DGLUCY: variants seen among roughly 807,000 people sequenced by gnomAD.
DGLUCY encodes the protein D-glutamate cyclase, also known as D-glutamate cyclase, mitochondrial.
In DGLUCY, 58 loss-of-function variants were observed where a neutral mutation model predicts 58.5. That is an observed-to-expected ratio of 0.99 (90% CI 0.80 to 1.23). The LOEUF is 1.23. DGLUCY is among the 50% of genes most tolerant of loss of function. DGLUCY has a pLI of 0.00. For missense variants in DGLUCY, 779 were observed against 784.7 expected, an observed-to-expected ratio of 0.99 and a Z score of 0.09; for synonymous variants, 325 against 314.1, an observed-to-expected ratio of 1.03 and a Z score of -0.37.
At chr14:91,182,878 G>T in intron 8 of DGLUCY, among the ~76,000 whole-genome samples, 1 of 147,322 alleles carries the variant, frequency 6.8e-6, no homozygotes, top group East Asian at 1.9e-4. Flanking sequence ...ATCCCCTAGG[G>T]GACCTGCTGA....
chr14:91,105,877 A>G (rs978374389), upstream of DGLUCY, among the ~76,000 whole-genome samples: 6 of 152,194 alleles, frequency 3.9e-5, no homozygotes, highest in South Asian at 2.1e-4. Flanking sequence ...GATATGGTCT[A>G]TTACTCCTGG....
At chr14:91,220,817 C>T (rs922231900) in intron 13 of DGLUCY, 3 of 397,902 alleles carry the variant, frequency 7.5e-6, no homozygotes, top group Non-Finnish European at 1.5e-5. Context: ...TGCCTTGTCT[C>T]ACATCCCAGC....
intron 1 of DGLUCY, among the ~76,000 whole-genome samples, chr14:91,097,142 A>G (rs1480266543): frequency 6.6e-6 from 1 of 152,222 alleles, no homozygotes; most frequent in Non-Finnish European, 1.5e-5. Flanking sequence ...CACGCCTGTA[A>G]TCCCAGCACT....
chr14:91,085,161 T>G (rs1183280855), intron 1 of DGLUCY, among the ~76,000 whole-genome samples: 1 of 148,894 alleles, frequency 6.7e-6, no homozygotes, highest in Non-Finnish European at 1.5e-5. Context: ...GGTTGAGGCT[T>G]CAGTGAGCCA....
At chr14:91,077,472 G>A (rs1013885556) in intron 1 of DGLUCY, among the ~76,000 whole-genome samples, 1 of 151,582 alleles carries the variant, frequency 6.6e-6, no homozygotes, top group Non-Finnish European at 1.5e-5. Flanking sequence ...AACAAAAAGA[G>A]GCTGGGCACG....
chr14:91,080,743 T>G (rs1309420734), intron 1 of DGLUCY, among the ~76,000 whole-genome samples: 1 of 138,346 alleles, frequency 7.2e-6, no homozygotes, highest in Non-Finnish European at 1.6e-5. Flanking sequence ...GAGCTTCAAC[T>G]ATCTATATGA....
intron 9 of DGLUCY, among the ~76,000 whole-genome samples, chr14:91,193,892 T>G (rs2050054300): frequency 6.6e-6 from 1 of 151,968 alleles, no homozygotes; most frequent in Admixed American, 6.6e-5. Flanking sequence ...GCATTGTCAT[T>G]TCTTTCCTGT....
chr14:91,121,430 T>A (rs1160259862), intron 1 of DGLUCY, among the ~76,000 whole-genome samples: 1 of 152,066 alleles, frequency 6.6e-6, no homozygotes, highest in African/African-American at 2.4e-5. Context: ...GGCTCACGCC[T>A]GTAATCTCAG....
At position 91,224,811 on chromosome 14, in the gene DGLUCY, A is replaced by G. The variant is rs144631642; in HGVS notation, c.1844A>G (p.Asp615Gly). 6.2e-7 allele frequency: 1 copy of G among 1,612,952 alleles called. No individual in the cohort carries two copies. ...THAEMIQKLV[D>G]VTTAQV ...GCCGAGATGATCCAGAAGCTGGTGGACGTCACCACGGCACAGGTGTAACCG... is the reference window on the plus strand; with the variant it reads ...GCCGAGATGATCCAGAAGCTGGTGGGCGTCACCACGGCACAGGTGTAACCG... Residue 615 changes from aspartate (D) to glycine (G), a missense_variant, in exon 14 of 14, where the codon GAC becomes GGC. Physicochemically the swap from Asp to Gly is moderately conservative, Grantham distance 94. Coordinates refer to ENST00000256324, the MANE Select transcript of DGLUCY (RefSeq NM_001102368.3).
At chr14:91,206,288 T>C (rs1884689439) in intron 12 of DGLUCY, among the ~76,000 whole-genome samples, 2 of 152,066 alleles carry the variant, frequency 1.3e-5, no homozygotes. Flanking sequence ...GGCACAGGCT[T>C]ACTAAAAGGC....
chr14:91,194,157 G>A (rs1308676277), intron 9 of DGLUCY, among the ~76,000 whole-genome samples: 2 of 152,186 alleles, frequency 1.3e-5, no homozygotes, highest in Non-Finnish European at 2.9e-5. Context: ...GGCCAGCCAG[G>A]TAGTTAGCAC....
At chr14:91,177,642 C>T (rs1310627439) in intron 7 of DGLUCY, among the ~76,000 whole-genome samples, 1 of 152,220 alleles carries the variant, frequency 6.6e-6, no homozygotes, top group Non-Finnish European at 1.5e-5. Context: ...AAAATTCTGG[C>T]CAGGCCAGCC....
intron 1 of DGLUCY, among the ~76,000 whole-genome samples, chr14:91,061,126 A>G (rs1253742682): frequency 6.6e-6 from 1 of 152,140 alleles, no homozygotes; most frequent in Non-Finnish European, 1.5e-5. Context: ...CCTGGAGGGT[A>G]GCGCTTATCA....
At chr14:91,206,321 A>G (rs1884695766) in intron 12 of DGLUCY, among the ~76,000 whole-genome samples, 1 of 152,138 alleles carries the variant, frequency 6.6e-6, no homozygotes, top group African/African-American at 2.4e-5. Flanking sequence ...ATAGGACTGC[A>G]GAGCCCTTCC....
chr14:91,067,080 C>CAAAAAAAAAA (rs778098019), intron 1 of DGLUCY, among the ~76,000 whole-genome samples: 1 of 71,034 alleles, frequency 1.4e-5, no homozygotes, highest in Non-Finnish European at 2.8e-5. Context: ...GACTCCATCT[C>CAAAAAAAAAA]AAAAAAAAAA....
chr14:91,206,477 G>A (rs1884725323), intron 12 of DGLUCY, among the ~76,000 whole-genome samples: 1 of 152,078 alleles, frequency 6.6e-6, no homozygotes, highest in African/African-American at 2.4e-5. Flanking sequence ...CTGCCTCCCG[G>A]GTTCAAACTA....
At chr14:91,118,073 C>A (rs1383760795) in intron 1 of DGLUCY, among the ~76,000 whole-genome samples, 1 of 18,580 alleles carries the variant, frequency 5.4e-5, no homozygotes, top group Non-Finnish European at 8.4e-5. Flanking sequence ...TAAATTCTCC[C>A]CGCCCCCCCC....
chr14:91,215,256 A>G, intron 12 of DGLUCY, 149 bp from the exon 13 acceptor site: 1 of 1,348,416 alleles, frequency 7.4e-7, no homozygotes, highest in Non-Finnish European at 9.6e-7. Flanking sequence ...GGCTGGGGCC[A>G]AAGAATTTGT....
intron 1 of DGLUCY, among the ~76,000 whole-genome samples, chr14:91,064,812 C>T (rs1224144083): frequency 6.6e-6 from 1 of 151,940 alleles, no homozygotes; most frequent in African/African-American, 2.4e-5. Flanking sequence ...CTGAATTTGT[C>T]AACTTGGGTA....
Sources: gnomAD v4.1 joint callset for allele counts (sites outside exome capture counted in the v4.1 genomes callset) on GRCh38, gnomAD v4.1.1 for gene constraint, MANE v1.5 for transcripts, NCBI Gene and HGNC (gene_info 2026-07-23, HGNC 2026-07-21) for gene names.